Variants in ZBTB48 observed in about 807,000 individuals in gnomAD.
ZBTB48 encodes zinc finger and BTB domain-containing protein 48.
In ZBTB48, 35 loss-of-function variants were observed where a neutral mutation model predicts 64.5. That is an observed-to-expected ratio of 0.54 (90% confidence interval 0.41 to 0.72). The LOEUF is 0.72. ZBTB48 is among the 30% of genes least tolerant of loss of function. ZBTB48 has a pLI of 0.00. For missense variants in ZBTB48, 828 were observed against 895.3 expected, an observed-to-expected ratio of 0.92 and a Z score of 0.96; for synonymous variants, 442 against 356.7, an observed-to-expected ratio of 1.24 and a Z score of -2.70.
chr1:6,586,111 G>T, intron 4 of ZBTB48, 81 bp downstream of exon 4: 1 of 1,368,056 alleles, frequency 7.3e-7, no homozygotes, highest in Non-Finnish European at 1.0e-6. Context: ...AGGGCCCCAG[G>T]AGACTGTCTG....
intron 7 of ZBTB48, 35 bp from the exon 8 acceptor site, chr1:6,588,025 G>A (rs903391343): frequency 2.5e-6 from 4 of 1,612,660 alleles, no homozygotes; most frequent in Non-Finnish European, 3.4e-6. Flanking sequence ...ACTTCCCTTG[G>A]TGATGGCCTC....
Position 6,588,350 on chromosome 1 carries a change from T to C in ZBTB48, c.1589T>C (p.Phe530Ser). ...PFSCEFCEQR[F>S]TEKGPLLRHV... Reference sequence around the variant, plus strand: ...AGTTGCGAGTTCTGTGAACAGCGCTTCACTGAGAAGGGGCCCCTCCTGAGG... The same window carrying C: ...AGTTGCGAGTTCTGTGAACAGCGCTCCACTGAGAAGGGGCCCCTCCTGAGG... Residue 530 changes from phenylalanine to serine, a missense_variant, in exon 9 of 11, where the codon TTC becomes TCC. Transcript: ENST00000377674. The C allele has an allele frequency of 5.0e-6, 8 of 1,606,120 alleles. No homozygotes were observed. The highest frequency in any genetic ancestry group is 6.8e-6 in the Non-Finnish European group (8 of 1,174,118).
intron 3 of ZBTB48, among the ~76,000 whole-genome samples, chr1:6,583,823 A>G (rs1570163892): frequency 1.6e-5 from 2 of 126,218 alleles, no homozygotes; most frequent in African/African-American, 3.1e-5. Context: ...TCTGTCGCCC[A>G]GGCTGGAGTG....
chr1:6,582,495 C>T (rs968383146), intron 3 of ZBTB48, among the ~76,000 whole-genome samples, 196 bp downstream of exon 3: 1 of 152,204 alleles, frequency 6.6e-6, no homozygotes, highest in Admixed American at 6.5e-5. Context: ...TCCTTGCTGT[C>T]CTGTGAGTAC....
At position 6,587,352 on chromosome 1, in the gene ZBTB48, CCA is replaced by C. The variant is rs1481438748; in HGVS notation, c.1224+62_1224+63del. ...TGGCATGAGCAAGAGTGAGCTGTGCCCAGAGTGGGCAGCCGGCCATGTACTTT... is the reference window on the plus strand; with the variant it reads ...TGGCATGAGCAAGAGTGAGCTGTGCCGAGTGGGCAGCCGGCCATGTACTTT... On this transcript the variant is annotated intron_variant, in intron 6 of 10. Transcript: ENST00000377674. 4.3e-6 allele frequency: 7 copies of C among 1,612,144 alleles called. No homozygotes were observed. The East Asian group carries it at 1.6e-4, about 36-fold the overall frequency.
At chr1:6,587,118 C>T (rs752634831) in intron 5 of ZBTB48, 87 bp from the exon 6 acceptor site, 1 of 1,423,312 alleles carries the variant, frequency 7.0e-7, no homozygotes, top group African/African-American at 1.4e-5. Flanking sequence ...GGGCCTCCCT[C>T]TAGTTCCTGC....
Position 6,580,567 on chromosome 1 carries a change from A to T in ZBTB48, c.-43A>T. ...AGCTTTCTCTTGCATACCCTCGCTTAGGCTGGCCGGGGTGTCACTTCTGCC... is the reference window on the plus strand; with the variant it reads ...AGCTTTCTCTTGCATACCCTCGCTTTGGCTGGCCGGGGTGTCACTTCTGCC... On this transcript the variant is annotated 5_prime_UTR_variant, in exon 2 of 11. Coordinates refer to ENST00000377674, the MANE Select transcript of ZBTB48 (RefSeq NM_005341.4). The surrounding 1 kb of genome is among the most constrained non-coding windows in gnomAD (Gnocchi z 5.2). 6.3e-7 allele frequency: 1 copy of T among 1,577,208 alleles called. No individual in the cohort carries two copies. Among genetic ancestry groups the T allele is most frequent in the Non-Finnish European group, 8.6e-7 (1 of 1,159,008 alleles).
intron 3 of ZBTB48, chr1:6,585,160 TAA>T (rs899580702): frequency 3.9e-5 from 6 of 152,334 alleles, no homozygotes; most frequent in African/African-American, 1.4e-4. Flanking sequence ...AGGTGAGATT[TAA>T]GCAAAGACTC....
At position 6,581,434 on chromosome 1, in the gene ZBTB48, G is replaced by A. The variant is rs1200726122; in HGVS notation, c.690+135G>A. 6 of 990,144 alleles carry A rather than the reference G, an allele frequency of 6.1e-6. No individual in the cohort carries two copies. In the East Asian group the frequency reaches 1.1e-4, roughly 18 times the overall value. 61.3% of individuals were successfully genotyped at this position (990,144 alleles called of 1,614,324 possible). A position where few individuals can be genotyped will look rare whatever the true frequency, so the allele number is the denominator to read the frequency against. On this transcript the variant is annotated intron_variant, in intron 2 of 10. Transcript: ENST00000377674. Reference sequence around the variant, plus strand: ...CCTAGCACTTTGGGAGGCCAAGGGGGGTGGATCACTTTAGCTTGGGAGTTC... The same window carrying A: ...CCTAGCACTTTGGGAGGCCAAGGGGAGTGGATCACTTTAGCTTGGGAGTTC...
At chr1:6,586,089 T>C in intron 4 of ZBTB48, 59 bp downstream of exon 4, 1 of 1,561,994 alleles carries the variant, frequency 6.4e-7, no homozygotes, top group Middle Eastern at 1.8e-4. Context: ...TCTGTCTTCG[T>C]GCCATCCGGG....
Position 6,581,080 on chromosome 1 carries a change from G to C in ZBTB48, c.471G>C (p.Leu157=), listed in dbSNP as rs138935972. 3.4e-5 allele frequency: 55 copies of C among 1,613,170 alleles called. No individual in the cohort carries two copies. In the African/African-American group the frequency reaches 6.5e-4, roughly 19 times the overall value. ...GLEEEEVSRT[L]GLVPRDQEPR... ...AAGAAGAGGAAGTTTCGAGGACTCTGGGTCTAGTCCCCAGGGATCAGGAGC... is the reference window on the plus strand; with the variant it reads ...AAGAAGAGGAAGTTTCGAGGACTCTCGGTCTAGTCCCCAGGGATCAGGAGC... Residue 157 remains leucine (L), a synonymous_variant, in exon 2 of 11, where the codon CTG becomes CTC. Coordinates refer to ENST00000377674, the MANE Select transcript of ZBTB48 (RefSeq NM_005341.4).
chr1:6,582,100 T>C lies in ZBTB48; in HGVS notation c.733T>C (p.Tyr245His). 1 of 1,614,154 alleles carries C rather than the reference T, an allele frequency of 6.2e-7. No individual in the cohort carries two copies. Among genetic ancestry groups the C allele is most frequent in the African/African-American group, 1.3e-5 (1 of 75,030 alleles). ...AGTGGAGGATGATGGGGATGGCGATTACATGTCTGAGCCTGAGGCTGTGCT... is the reference window on the plus strand; with the variant it reads ...AGTGGAGGATGATGGGGATGGCGATCACATGTCTGAGCCTGAGGCTGTGCT... ...VQVEDDGDGDYMSEPEAVLTR... is the reference protein window; with the variant it reads ...VQVEDDGDGDHMSEPEAVLTR... Residue 245 changes from tyrosine to histidine, a missense_variant, in exon 3 of 11, where the codon TAC becomes CAC. Tyr to His is a moderately conservative substitution (Grantham distance 83, BLOSUM62 2). Coordinates refer to ENST00000377674, the MANE Select transcript of ZBTB48 (RefSeq NM_005341.4).
chr1:6,587,567 T>A lies in ZBTB48; in HGVS notation c.1314T>A (p.Cys438Ter), dbSNP rs141407621. ...ACCGTGGTGAGAAGCTGTTTGTGTG[T>A]GAGGAGTGTGGGCACCGGGCCTCGA... ...FKHRGEKLFV[C>*]EECGHRASSR... The change falls in exon 7 of 11, where the codon TGT (cysteine) becomes TGA (stop). Residue 438 changes from cysteine (C) to a stop codon, truncating the protein, a stop_gained. Coordinates refer to ENST00000377674, the MANE Select transcript of ZBTB48 (RefSeq NM_005341.4). LOFTEE classifies it high-confidence loss of function. The A allele has an allele frequency of 6.2e-7, 1 of 1,613,880 alleles. No homozygotes were observed. The highest frequency in any genetic ancestry group is 8.5e-7 in the Non-Finnish European group (1 of 1,180,024).
In ZBTB48 at chr1:6,588,365, C is replaced by T; in HGVS notation, c.1604C>T (p.Pro535Leu). ...GAACAGCGCTTCACTGAGAAGGGGC[C>T]CCTCCTGAGGCACGTGGCCAGCCGC... ...FCEQRFTEKG[P>L]LLRHVASRHQ... The change falls in exon 9 of 11, where the codon CCC becomes CTC. Residue 535 changes from proline to leucine, a missense_variant. Transcript: ENST00000377674. 2 of 1,602,558 alleles carry T rather than the reference C, an allele frequency of 1.2e-6. No individual in the cohort carries two copies. Among genetic ancestry groups the T allele is most frequent in the Non-Finnish European group, 1.7e-6 (2 of 1,171,828 alleles).
intron 3 of ZBTB48, among the ~76,000 whole-genome samples, chr1:6,583,191 A>G (rs1030949039): frequency 7.3e-5 from 11 of 150,522 alleles, no homozygotes; most frequent in Non-Finnish European, 1.5e-4. Context: ...GGGTTTCACC[A>G]TGATGGCCAT....
In ZBTB48 at chr1:6,587,630, C is replaced by T; in HGVS notation, c.1377C>T (p.His459=). ...NGLQMHIKAK[H]RNERPHVCEF... ...TGCAGATGCACATCAAGGCCAAGCA[C>T]AGGTGCGTGTCGCCCGTTCTCTCTT... The change falls in exon 7 of 11, where the codon CAC becomes CAT. Residue 459 remains histidine, a splice_region_variant and synonymous_variant. Coordinates refer to ENST00000377674, the MANE Select transcript of ZBTB48 (RefSeq NM_005341.4). The T allele has an allele frequency of 9.9e-6, 16 of 1,612,800 alleles. No individual in the cohort carries two copies. Among genetic ancestry groups the T allele is most frequent in the Non-Finnish European group, 1.3e-5 (15 of 1,180,028 alleles).
Position 6,589,158 on chromosome 1 carries a change from C to T in ZBTB48, c.2013C>T (p.Val671=). The T allele has an allele frequency of 1.9e-6, 3 of 1,562,126 alleles. No individual in the cohort carries two copies. Among genetic ancestry groups the T allele is most frequent in the East Asian group, 4.5e-5 (2 of 44,392 alleles). ...CAEESFTGPG[V]LEPSLIITAA... ...AGGAGAGCTTCACCGGCCCAGGTGT[C>T]CTGGAGCCCTCCCTCATCATCACAG... Residue 671 remains valine, a synonymous_variant, in exon 11 of 11, where the codon GTC becomes GTT. Coordinates refer to ENST00000377674, the MANE Select transcript of ZBTB48 (RefSeq NM_005341.4).
At position 6,584,406 on chromosome 1, in the gene ZBTB48, T is replaced by TG. The variant is rs1352491584; in HGVS notation, c.933-1509dup. Among the ~76,000 whole-genome samples, 8 of 152,248 alleles carry TG rather than the reference T, an allele frequency of 5.3e-5. No individual in the cohort carries two copies. The highest frequency in any genetic ancestry group is 1.9e-4 in the African/African-American group (8 of 41,544). On this transcript the variant is annotated intron_variant, in intron 3 of 10. Coordinates refer to ENST00000377674, the MANE Select transcript of ZBTB48 (RefSeq NM_005341.4). This position sits in a 1 kb window ranked among gnomAD's most constrained non-coding sequence, Gnocchi z 4.5. ...TGCTTTGGAGTCCCTGCAAGGCCTG[T>TG]GGGGATGGCGGCCCAGTGGCATGCC...
Position 6,588,309 on chromosome 1 carries a change from C to A in ZBTB48, c.1548C>A (p.Thr516=). Reference sequence around the variant, plus strand: ...TGGACAAGCACAACCGCACCCACACCGGGGAAAGGCCCTTCAGTTGCGAGT... The same window carrying A: ...TGGACAAGCACAACCGCACCCACACAGGGGAAAGGCCCTTCAGTTGCGAGT... The part of the protein sequence containing the change: ...ASLDKHNRTH[T]GERPFSCEFC... The change falls in exon 9 of 11, where the codon ACC becomes ACA. Residue 516 remains threonine (T), a synonymous_variant. Transcript: ENST00000377674. 6.2e-7 allele frequency: 1 copy of A among 1,607,724 alleles called. No individual in the cohort carries two copies. Among genetic ancestry groups the A allele is most frequent in the African/African-American group, 1.3e-5 (1 of 74,962 alleles).
Sources: gnomAD v4.1 joint callset for allele counts (sites outside exome capture counted in the v4.1 genomes callset) on GRCh38, gnomAD v4.1.1 for gene constraint, Gnocchi (gnomAD v3.1) non-coding constraint, MANE v1.5 for transcripts, NCBI Gene and HGNC (gene_info 2026-07-23, HGNC 2026-07-21) for gene names.